PPP3CC: variants seen among roughly 807,000 people sequenced by gnomAD.
PPP3CC encodes serine/threonine-protein phosphatase 2B catalytic subunit gamma isoform.
In PPP3CC, 35 loss-of-function variants were observed where a neutral mutation model predicts 60.3. The ratio of observed to expected loss-of-function variants is 0.58; its 90% confidence interval spans 0.44 to 0.77. PPP3CC has a LOEUF of 0.77. PPP3CC is among the 30% of genes least tolerant of loss of function. The pLI, the probability that PPP3CC is intolerant of heterozygous loss-of-function variation, is 0.00. For synonymous variants in PPP3CC, 206 were observed against 224.3 expected, an observed-to-expected ratio of 0.92 and a Z score of 0.73; for missense variants, 570 against 628.9, an observed-to-expected ratio of 0.91 and a Z score of 1.00.
chr8:22,476,263 C>T (rs951400846), intron 3 of PPP3CC, among the ~76,000 whole-genome samples: 4 of 152,184 alleles, frequency 2.6e-5, no homozygotes, highest in Admixed American at 6.5e-5. Flanking sequence ...GGAACCACAG[C>T]ACATTCCTAG....
intron 1 of PPP3CC, among the ~76,000 whole-genome samples, chr8:22,470,300 T>C (rs1837684513): frequency 6.6e-6 from 1 of 152,066 alleles, no homozygotes; most frequent in South Asian, 2.1e-4. Flanking sequence ...CAGTATAATT[T>C]ACAATTTTTT....
chr8:22,481,035 A>G (rs1288755949), intron 3 of PPP3CC, among the ~76,000 whole-genome samples: 2 of 152,206 alleles, frequency 1.3e-5, no homozygotes, highest in Admixed American at 1.3e-4. Flanking sequence ...ACAGGTCACT[A>G]TAAAATAATG....
intron 4 of PPP3CC, among the ~76,000 whole-genome samples, chr8:22,503,233 G>A (rs895328265): frequency 1.5e-4 from 23 of 152,154 alleles, no homozygotes; most frequent in Middle Eastern, 3.4e-3. Context: ...ACTATCTGTC[G>A]TTTGGGAACC....
chr8:22,443,980 C>G (rs1422762988), intron 1 of PPP3CC, among the ~76,000 whole-genome samples: 1 of 152,198 alleles, frequency 6.6e-6, no homozygotes, highest in Non-Finnish European at 1.5e-5. Flanking sequence ...TTGTTTCTGT[C>G]ATTTCCTGTT....
intron 12 of PPP3CC, among the ~76,000 whole-genome samples, chr8:22,534,586 C>G (rs1046686818): frequency 1.3e-5 from 2 of 152,196 alleles, no homozygotes; most frequent in Non-Finnish European, 2.9e-5. Context: ...CAGTTCCACA[C>G]CTGGTGTATA....
intron 4 of PPP3CC, among the ~76,000 whole-genome samples, chr8:22,506,435 G>A (rs369950627): frequency 6.6e-6 from 1 of 152,134 alleles, no homozygotes; most frequent in African/African-American, 2.4e-5. Flanking sequence ...GCCAAAATAC[G>A]TTCTTAAGTA....
chr8:22,514,433 C>T (rs1358026522), intron 6 of PPP3CC, among the ~76,000 whole-genome samples: 3 of 151,772 alleles, frequency 2.0e-5, no homozygotes, highest in East Asian at 1.9e-4. Flanking sequence ...ACTTTGATTT[C>T]GCCATTACTT....
intron 1 of PPP3CC, among the ~76,000 whole-genome samples, chr8:22,457,398 G>A (rs1022020724): frequency 1.3e-5 from 2 of 151,330 alleles, no homozygotes; most frequent in Non-Finnish European, 2.9e-5. Flanking sequence ...CGCCTCCTAG[G>A]TTCAAGTGAT....
At chr8:22,482,385 GT>G (rs1838095091) in intron 3 of PPP3CC, among the ~76,000 whole-genome samples, 1 of 151,968 alleles carries the variant, frequency 6.6e-6, no homozygotes, top group African/African-American at 2.4e-5. Context: ...GGGGTTGTTT[GT>G]TTTTTTCTTG....
At chr8:22,528,002 T>G (rs1184064661) in intron 9 of PPP3CC, among the ~76,000 whole-genome samples, 1 of 152,228 alleles carries the variant, frequency 6.6e-6, no homozygotes, top group Non-Finnish European at 1.5e-5. Context: ...TTTTTTATTG[T>G]AAATATCAAT....
intron 1 of PPP3CC, among the ~76,000 whole-genome samples, chr8:22,474,232 A>G (rs1837819387): frequency 1.3e-5 from 2 of 152,282 alleles, no homozygotes; most frequent in Admixed American, 1.3e-4. Context: ...GGACAGTTCT[A>G]TAGGAGAAAT....
rs775884758 is a variant in PPP3CC at position 22,475,641 on chromosome 8, A to T, written c.372+17A>T. On this transcript the variant is annotated intron_variant, in intron 3 of 13. Transcript: ENST00000240139. ...AGTATAGAGGTAAAAATTAAACTGG[A>T]TATGTTGGGACTATTATATTGTCTT... The T allele has an allele frequency of 7.5e-6, 12 of 1,604,332 alleles. No individual in the cohort carries two copies. The highest frequency in any genetic ancestry group is 3.3e-4 in the Middle Eastern group (2 of 6,054).
intron 10 of PPP3CC, chr8:22,531,367 C>T (rs1839711865): frequency 1.3e-6 from 2 of 1,496,164 alleles, no homozygotes; most frequent in Middle Eastern, 1.7e-4. Flanking sequence ...AATGCTTACT[C>T]TCTGTCCCAC....
intron 3 of PPP3CC, among the ~76,000 whole-genome samples, chr8:22,480,059 AT>A (rs1838015044): frequency 6.6e-6 from 1 of 152,106 alleles, no homozygotes; most frequent in Admixed American, 6.5e-5. Flanking sequence ...AGCAACCTAT[AT>A]TTAAGAGTAC....
At chr8:22,490,711 T>C (rs964580058) in intron 3 of PPP3CC, among the ~76,000 whole-genome samples, 4 of 151,330 alleles carry the variant, frequency 2.6e-5, no homozygotes, top group African/African-American at 9.7e-5. Flanking sequence ...TGGTTGGTTT[T>C]TTTGTCCTTG....
rs571243052 is a variant in PPP3CC at position 22,493,492 on chromosome 8, A to C, written c.373-4509A>C. ...GGCCTAAGACTTATGCAGCTGTACA[A>C]AAATATTTTTTCCTTATATTCTTAT... On this transcript the variant is annotated intron_variant, in intron 3 of 13. Transcript: ENST00000240139. 3.9e-5 allele frequency among the ~76,000 whole-genome samples: 6 copies of C among 152,320 alleles called. No individual in the cohort carries two copies. In the East Asian group the frequency reaches 9.6e-4, roughly 24 times the overall value.
At chr8:22,442,646 A>T (rs949726785) in intron 1 of PPP3CC, among the ~76,000 whole-genome samples, 1 of 152,190 alleles carries the variant, frequency 6.6e-6, no homozygotes, top group African/African-American at 2.4e-5. Context: ...TTGTTCATCT[A>T]ACTGACATTA....
At chr8:22,527,352 G>C in intron 8 of PPP3CC, 40 bp from the exon 9 acceptor site, 5 of 1,607,398 alleles carry the variant, frequency 3.1e-6, no homozygotes, top group Non-Finnish European at 4.3e-6. Flanking sequence ...GCCATGCCAT[G>C]TTCCTCTGTG....
rs180672615 is a variant in PPP3CC, at chr8:22,515,741, A to G, written c.770+2309A>G. On this transcript the variant is annotated intron_variant, in intron 6 of 13. Coordinates refer to ENST00000240139, the MANE Select transcript of PPP3CC (RefSeq NM_005605.5). ...TCGGTGATATTGAATACCTTTTCAT[A>G]TACCTGTTTGCCATTTTATGTCTCC... Among the ~76,000 whole-genome samples the G allele has an allele frequency of 2.2e-3, 330 of 152,276 alleles. 2 individuals are homozygous for G. Among genetic ancestry groups the G allele is most frequent in the African/African-American group, 7.6e-3 (314 of 41,546 alleles).
Sources: gnomAD v4.1 joint callset for allele counts (sites outside exome capture counted in the v4.1 genomes callset) on GRCh38, gnomAD v4.1.1 for gene constraint, MANE v1.5 for transcripts, NCBI Gene and HGNC (gene_info 2026-07-23, HGNC 2026-07-21) for gene names.